The following SMG1 variants were observed in gnomAD, a reference collection of about 807,000 sequenced individuals.
SMG1 encodes the protein SMG1 nonsense mediated mRNA decay associated PI3K related kinase.
A neutral mutation model predicts 419.9 loss-of-function variants in SMG1; 22 were observed. The observed-to-expected ratio is 0.05, with a 90% CI of 0.04 to 0.07. The LOEUF (loss-of-function observed/expected upper bound fraction) is 0.07. Ranked by LOEUF, SMG1 falls within the 10% of genes least tolerant of loss-of-function variation. SMG1 has a pLI of 1.00. For missense variants in SMG1, 3,185 were observed against 4,342.0 expected, an observed-to-expected ratio of 0.73 and a Z score of 7.49; for synonymous variants, 1,538 against 1,553.5, an observed-to-expected ratio of 0.99 and a Z score of 0.23.
chr16:18,852,958 GACC>G (rs765054740), intron 31 of SMG1, among the ~76,000 whole-genome samples: 28 of 152,240 alleles, frequency 1.8e-4, no homozygotes, highest in Non-Finnish European at 2.9e-4. Flanking sequence ...GATTTATAAT[GACC>G]ACAAGACATA....
At chr16:18,883,091 A>AGCTAAAG (rs1379173929) in intron 9 of SMG1, among the ~76,000 whole-genome samples, 2 of 152,240 alleles carry the variant, frequency 1.3e-5, no homozygotes, top group African/African-American at 4.8e-5. Context: ...AAATCAGTAC[A>AGCTAAAG]GCTAAAGGTA....
rs779628208 is a variant in SMG1, at chr16:18,830,198, T to C, written c.8943+21A>G. 4 of 1,612,798 alleles carry C rather than the reference T, an allele frequency of 2.5e-6. No homozygotes were observed. In the South Asian group the frequency reaches 4.4e-5, roughly 18 times the overall value. On this transcript the variant is annotated intron_variant, in intron 52 of 62. Coordinates refer to ENST00000446231, the MANE Select transcript of SMG1 (RefSeq NM_015092.5). ...TACTTTATGGCACTTGCATTATTTT[T>C]AAATCCAAGTCCACATTTACCTTTT...
At chr16:18,884,205 GA>G (rs539733559) in intron 8 of SMG1, 38 bp from the exon 9 acceptor site, 98 of 1,041,748 alleles carry the variant, frequency 9.4e-5, no homozygotes, top group Middle Eastern at 2.1e-4. Context: ...GGGTAGGGGG[GA>G]AAAAAACACC....
chr16:18,879,690 C>T lies in SMG1; in HGVS notation c.1323G>A (p.Thr441=), dbSNP rs766310101. Residue 441 remains threonine, a synonymous_variant, in exon 11 of 63, where the codon ACG becomes ACA. Transcript: ENST00000446231. The stretch of plus-strand genomic sequence containing the variant: ...CAGAAAAAAACACCTGGTTTGCAGC[C>T]GTCACACATCTCATTACTCTGTACA... ...DVLYRVMRCV[T]AANQVFFSEA... The T allele has an allele frequency of 1.4e-4, 216 of 1,557,338 alleles. No individual in the cohort carries two copies. The highest frequency in any genetic ancestry group is 1.7e-4 in the Non-Finnish European group (193 of 1,157,442).
At chr16:18,811,409 G>C (rs1004932114) in intron 62 of SMG1, among the ~76,000 whole-genome samples, 4 of 152,108 alleles carry the variant, frequency 2.6e-5, no homozygotes, top group African/African-American at 9.7e-5. Context: ...TTTCTAATTA[G>C]GGATGCTCCA....
chr16:18,923,335 A>G (rs2038269042), intron 1 of SMG1, among the ~76,000 whole-genome samples: 1 of 152,060 alleles, frequency 6.6e-6, no homozygotes. Flanking sequence ...AGAAATCAAC[A>G]AGTGTTGCTT....
rs1367380318 is a variant in SMG1, at chr16:18,817,302, A to T, written c.10063T>A (p.Leu3355Ile). The change falls in exon 57 of 63, where the codon TTA becomes ATA. Residue 3355 changes from leucine to isoleucine, a missense_variant. Around this residue, in one of 27 missense-constraint regions of SMG1, gnomAD observed 737 missense variants for 846.6 expected, o/e 0.87. Transcript: ENST00000446231. Reference protein sequence around the residue: ...SSVSELELRLLQRVDTGLEHP... With the variant: ...SSVSELELRLIQRVDTGLEHP... ...CCACCAAGACTCACCACTCTCTGTA[A>T]TAAACGAAGCTCTAACTCAGACACT... The T allele has an allele frequency of 1.2e-6, 2 of 1,610,774 alleles. No homozygotes were observed. The highest frequency in any genetic ancestry group is 3.4e-5 in the Admixed American group (2 of 59,268).
intron 45 of SMG1, 75 bp from the exon 46 acceptor site, chr16:18,837,518 T>G (rs561685871): frequency 7.9e-7 from 1 of 1,271,216 alleles, no homozygotes; most frequent in African/African-American, 1.5e-5. Flanking sequence ...GAAGAACATT[T>G]TGCACATCCT....
At chr16:18,849,482 T>C in intron 35 of SMG1, 104 bp from the exon 36 acceptor site, 1 of 1,107,150 alleles carries the variant, frequency 9.0e-7, no homozygotes, top group Non-Finnish European at 1.3e-6. Flanking sequence ...GTGTCGGCAT[T>C]AGTACGGATT....
chr16:18,852,269 T>G, intron 32 of SMG1, 49 bp downstream of exon 32: 2 of 1,603,788 alleles, frequency 1.2e-6, no homozygotes, highest in Non-Finnish European at 8.5e-7. Flanking sequence ...AGCAGACATT[T>G]AAATATCTAT....
chr16:18,906,511 A>G (rs1416721660), intron 1 of SMG1, among the ~76,000 whole-genome samples: 1 of 152,148 alleles, frequency 6.6e-6, no homozygotes, highest in Non-Finnish European at 1.5e-5. Flanking sequence ...GGAAGATACC[A>G]TAAAATACCT....
At position 18,821,231 on chromosome 16, in the gene SMG1, T is replaced by C. The variant is rs1239818518; in HGVS notation, c.9742-1577A>G. On this transcript the variant is annotated intron_variant, in intron 55 of 62. Coordinates refer to ENST00000446231, the MANE Select transcript of SMG1 (RefSeq NM_015092.5). ...ATATTTAGTATGTTTCTTTTTTTTT[T>C]TTTTTTTTTCTTTTTTTTTTCTTTT... 7.2e-5 allele frequency among the ~76,000 whole-genome samples: 6 copies of C among 83,038 alleles called. 1 individual carries two copies. The highest frequency in any genetic ancestry group is 7.2e-4 in the South Asian group (2 of 2,772). 54.5% of individuals were successfully genotyped at this position (83,038 alleles called of 152,430 possible).
At chr16:18,849,510 T>C in intron 35 of SMG1, 132 bp from the exon 36 acceptor site, 1 of 860,780 alleles carries the variant, frequency 1.2e-6, no homozygotes, top group Non-Finnish European at 1.8e-6. Context: ...TTCAAATTTC[T>C]CCCTGTGATA....
chr16:18,818,119 A>G (rs2032182000), intron 56 of SMG1, among the ~76,000 whole-genome samples: 1 of 151,822 alleles, frequency 6.6e-6, no homozygotes, highest in Non-Finnish European at 1.5e-5. Context: ...GTGGTGGCTC[A>G]CACCTGTAAT....
Position 18,829,427 on chromosome 16 carries a change from C to T in SMG1, c.9462G>A (p.Leu3154=), listed in dbSNP as rs745731877. Residue 3154 remains leucine, a synonymous_variant, in exon 54 of 63, where the codon CTG becomes CTA. Transcript: ENST00000446231. ...CTAACACAGTTGCCCTGTTCATAAC[C>T]AGCTGAGAGAACTTCCCTATCTGGA... ...HNIQIGKFSQ[L]VMNRATVLAS... The T allele has an allele frequency of 5.0e-6, 8 of 1,614,006 alleles. No homozygotes were observed. The highest frequency in any genetic ancestry group is 1.7e-5 in the Admixed American group (1 of 60,016).
At chr16:18,893,752 C>T (rs568919859) in intron 3 of SMG1, among the ~76,000 whole-genome samples, 1 of 149,822 alleles carries the variant, frequency 6.7e-6, no homozygotes, top group Admixed American at 6.8e-5. Context: ...TATGAGAAAA[C>T]ATTGGTAAAA....
intron 10 of SMG1, among the ~76,000 whole-genome samples, chr16:18,881,497 G>C (rs967342577): frequency 6.6e-6 from 1 of 152,128 alleles, no homozygotes; most frequent in African/African-American, 2.4e-5. Context: ...CTAAAAGCAA[G>C]TTTTATCCTA....
At chr16:18,864,397 C>T (rs111412472) in intron 23 of SMG1, among the ~76,000 whole-genome samples, 1,996 of 151,896 alleles carry the variant, frequency 0.013, 36 homozygotes, top group African/African-American at 0.042. Flanking sequence ...GGGGTTTCAC[C>T]GTGTTGGCCA....
rs547664342 is a variant in SMG1 at position 18,849,124 on chromosome 16, A to C, written c.5623+93T>G. 75 of 600,742 alleles carry C rather than the reference A, an allele frequency of 1.2e-4. No individual in the cohort carries two copies. Among genetic ancestry groups the C allele is most frequent in the Admixed American group, 5.0e-4 (13 of 25,806 alleles). The allele number at this position is 600,742 out of a possible 1,614,324, so 37.2% of individuals were successfully genotyped here. A position where few individuals can be genotyped will look rare whatever the true frequency, so the allele number is the denominator to read the frequency against. ...AAAAAAAACCCTACAAACTCTAACA[A>C]CTCTGGAACATAAAGCTTAAAAACT... is the stretch of plus-strand genomic sequence containing the variant. On this transcript the variant is annotated intron_variant, in intron 36 of 62. Transcript: ENST00000446231.
Sources: gnomAD v4.1 joint callset for allele counts (sites outside exome capture counted in the v4.1 genomes callset) on GRCh38, gnomAD v4.1.1 for gene constraint, gnomAD v4.1.1 regional missense constraint, MANE v1.5 for transcripts, NCBI Gene and HGNC (gene_info 2026-07-23, HGNC 2026-07-21) for gene names.